BTNL2: variants seen among roughly 807,000 people sequenced by gnomAD.
The protein encoded by BTNL2 is butyrophilin like 2, also known as butyrophilin-like protein 2.
Under a neutral mutation model 46.8 loss-of-function variants are expected in BTNL2, and 46 were observed. That is an observed-to-expected ratio of 0.98 (90% CI 0.78 to 1.26). The LOEUF (loss-of-function observed/expected upper bound fraction) is 1.26, where lower values mean the gene tolerates loss of function less well. BTNL2 is among the 50% of genes most tolerant of loss of function. The probability of loss-of-function intolerance (pLI) is 0.00; values close to 1 mark genes in which losing one functional copy is unlikely to be tolerated. For missense variants in BTNL2, 461 were observed against 592.6 expected (o/e 0.78, Z 2.31); for synonymous variants, 226 against 229.1 (o/e 0.99, Z 0.12).
Position 32,405,284 on chromosome 6 carries a change from C to G in BTNL2, c.82G>C (p.Asp28His). The change falls in exon 2 of 8, where the codon GAC (aspartate) becomes CAC (histidine). Residue 28 changes from aspartate (D) to histidine (H), a missense_variant and splice_region_variant. Physicochemically the swap from Asp to His is moderately conservative, Grantham distance 81 (BLOSUM62 -1). Transcript: ENST00000454136. ...FILLTMKQSE[D>H]FRVIGPAHPI... ...TGAGCAGGGCCAATGACTCTAAAGT[C>G]TTCTATAAAATAAGTGAAAAAGAGG... is the stretch of plus-strand genomic sequence containing the variant. The G allele has an allele frequency of 6.2e-7, 1 of 1,612,806 alleles. No homozygotes were observed. The highest frequency in any genetic ancestry group is 8.5e-7 in the Non-Finnish European group (1 of 1,179,938).
At chr6:32,398,262 T>A (rs116895751) in intron 4 of BTNL2, among the ~76,000 whole-genome samples, 2,665 of 152,326 alleles carry the variant, frequency 0.017, 79 homozygotes, top group East Asian at 0.11. Context: ...ATAAAATTGT[T>A]GGTTCTCTGC....
intron 4 of BTNL2, among the ~76,000 whole-genome samples, chr6:32,397,755 G>C (rs117217900): frequency 0.012 from 1,795 of 152,194 alleles, 68 homozygotes; most frequent in South Asian, 0.1. Flanking sequence ...TGAAGGCGTT[G>C]GAGCCATCCC....
At chr6:32,402,500 T>TGGGGGG (rs57612352) in intron 3 of BTNL2, among the ~76,000 whole-genome samples, 5 of 152,076 alleles carry the variant, frequency 3.3e-5, no homozygotes, top group East Asian at 3.9e-4. Context: ...ACTGTTGTAT[T>TGGGGGG]GGGGGGTTGG....
chr6:32,402,809 G>A, intron 3 of BTNL2, 126 bp downstream of exon 3: 1 of 1,012,486 alleles, frequency 9.9e-7, no homozygotes, highest in Non-Finnish European at 1.4e-6. Flanking sequence ...AATGTTTTAT[G>A]GCTTTCAATA....
rs1776614201 is a variant in BTNL2, at chr6:32,399,176, G to A, written c.730+2609C>T. On this transcript the variant is annotated intron_variant, in intron 4 of 7. Transcript: ENST00000454136. This position sits in a 1 kb window ranked among gnomAD's most constrained non-coding sequence, Gnocchi z 5.2. ...TCCCCCTTATAAGTGTGAACATGCA[G>A]TAGTTAACCTCCTTTTTCTATACGG... 6.6e-6 allele frequency among the ~76,000 whole-genome samples: 1 copy of A among 152,216 alleles called. No homozygotes were observed. Among genetic ancestry groups the A allele is most frequent in the African/African-American group, 2.4e-5 (1 of 41,456 alleles).
chr6:32,404,873 C>G, intron 2 of BTNL2, 66 bp downstream of exon 2: 1 of 1,461,616 alleles, frequency 6.8e-7, no homozygotes, highest in African/African-American at 1.4e-5. Flanking sequence ...TCAACTGTCA[C>G]AAAGCTTACC....
chr6:32,400,745 T>TAAAAAAACAAAAA (rs1776703377), intron 4 of BTNL2, among the ~76,000 whole-genome samples: 3 of 82,146 alleles, frequency 3.7e-5, no homozygotes, highest in Admixed American at 1.3e-4. Context: ...CCGTCTCTAC[T>TAAAAAAACAAAAA]AAAAAAAAAA....
Position 32,394,046 on chromosome 6 carries a change from T to C in BTNL2, c.1372A>G (p.Thr458Ala). ...ACAAGCAGTGTTTTCCACAAAAACGTCATCCTGGACTCTAAAATGGAAACC... is the reference window on the plus strand; with the variant it reads ...ACAAGCAGTGTTTTCCACAAAAACGCCATCCTGGACTCTAAAATGGAAACC... ...ATFSLSESRM[T>A]FLWKTLLVWG... is the part of the protein sequence containing the mutation. The change falls in exon 7 of 8, where the codon ACG becomes GCG. Residue 458 changes from threonine (T) to alanine (A), a missense_variant. Coordinates refer to ENST00000454136, the MANE Select transcript of BTNL2 (RefSeq NM_001304561.2). The surrounding 1 kb of genome is among the most constrained non-coding windows in gnomAD (Gnocchi z 4.6). The C allele has an allele frequency of 2.6e-6, 4 of 1,550,110 alleles. No homozygotes were observed. Among genetic ancestry groups the C allele is most frequent in the Non-Finnish European group, 3.5e-6 (4 of 1,146,656 alleles).
At position 32,394,022 on chromosome 6, in the gene BTNL2, C is replaced by G. The variant is rs117896888; in HGVS notation, c.1396G>C (p.Val466Leu). Residue 466 changes from valine (V) to leucine (L), a missense_variant, in exon 7 of 8, where the codon GTT becomes CTT. Physicochemically the swap from Val to Leu is conservative, Grantham distance 32. Coordinates refer to ENST00000454136, the MANE Select transcript of BTNL2 (RefSeq NM_001304561.2). This position sits in a 1 kb window ranked among gnomAD's most constrained non-coding sequence, Gnocchi z 4.6. ...RMTFLWKTLL[V>L]WGLLLAVAVG... ...GCCACAGCAAGAAGCAATCCCCAAA[C>G]AAGCAGTGTTTTCCACAAAAACGTC... 0.015 allele frequency: 22,922 copies of G among 1,549,778 alleles called. 1,097 individuals are homozygous for G. The East Asian group carries it at 0.16, about 11-fold the overall frequency.
chr6:32,406,691 G>C (rs1307609076), intron 1 of BTNL2: 1 of 162,092 alleles, frequency 6.2e-6, no homozygotes, highest in Non-Finnish European at 1.3e-5. Flanking sequence ...TGACCCCAAA[G>C]TACTAGAGTG....
intron 5 of BTNL2, 130 bp from the exon 6 acceptor site, chr6:32,395,155 C>T: frequency 2.4e-6 from 2 of 817,876 alleles, no homozygotes; most frequent in East Asian, 2.7e-5. Flanking sequence ...GGATTGCACT[C>T]CACTTAGGGA....
chr6:32,393,973 C>T lies in BTNL2; in HGVS notation c.1445G>A (p.Ser482Asn), dbSNP rs1562244542. The change falls in exon 7 of 8, where the codon AGC (serine) becomes AAC (asparagine). Residue 482 changes from serine (S) to asparagine (N), a missense_variant. By Grantham distance (46) the Ser-to-Asn change is conservative. Coordinates refer to ENST00000454136, the MANE Select transcript of BTNL2 (RefSeq NM_001304561.2). This position sits in a 1 kb window ranked among gnomAD's most constrained non-coding sequence, Gnocchi z 4.8. ...AVAVGLPRKR[S>N] is the part of the protein sequence containing the mutation. ...GTTTCCCTGACTTACCTCTTTTCAG[C>T]TCCTCTTCCTGGGCAGGCCTACAGC... 6.5e-7 allele frequency: 1 copy of T among 1,542,506 alleles called. No individual in the cohort carries two copies. Among genetic ancestry groups the T allele is most frequent in the East Asian group, 2.5e-5 (1 of 40,812 alleles).
chr6:32,398,319 C>T (rs1014676425), intron 4 of BTNL2, among the ~76,000 whole-genome samples: 41 of 152,282 alleles, frequency 2.7e-4, no homozygotes, highest in African/African-American at 9.6e-4. Context: ...TGTCATTGGC[C>T]GAAAACTGCC....
In BTNL2 at chr6:32,399,827, T is replaced by C. The variant is rs2294881; in HGVS notation, c.730+1958A>G. Among the ~76,000 whole-genome samples the C allele has an allele frequency of 0.2, 29,785 of 152,160 alleles. 3,203 individuals are homozygous for C. Among genetic ancestry groups the C allele is most frequent in the East Asian group, 0.32 (1,675 of 5,180 alleles). On this transcript the variant is annotated intron_variant, in intron 4 of 7. Transcript: ENST00000454136. The surrounding 1 kb of genome is among the most constrained non-coding windows in gnomAD (Gnocchi z 5.2). ...ACATTATTTGTAAGACTACAAGCAG[T>C]GATTTCAGTCTTAGGACTTCCATAG... is the stretch of plus-strand genomic sequence containing the variant.
In BTNL2 at chr6:32,396,598, T is replaced by C; in HGVS notation, c.731-212A>G. On this transcript the variant is annotated intron_variant, in intron 4 of 7. Coordinates refer to ENST00000454136, the MANE Select transcript of BTNL2 (RefSeq NM_001304561.2). The surrounding 1 kb of genome is among the most constrained non-coding windows in gnomAD (Gnocchi z 4.4). The stretch of plus-strand genomic sequence containing the variant: ...GGAATCATTCCATGATGTGTGTCAG[T>C]CTGAGTAAAACAGTAATTGAATCCC... The C allele has an allele frequency of 1.7e-6, 1 of 584,990 alleles. No homozygotes were observed. The highest frequency in any genetic ancestry group is 2.0e-5 in the South Asian group (1 of 50,252). 36.2% of individuals were successfully genotyped at this position (584,990 alleles called of 1,614,324 possible). A position where few individuals can be genotyped will look rare whatever the true frequency, so the allele number is the denominator to read the frequency against.
intron 4 of BTNL2, among the ~76,000 whole-genome samples, chr6:32,398,623 G>T (rs548477520): frequency 6.6e-6 from 1 of 152,148 alleles, no homozygotes; most frequent in East Asian, 1.9e-4. Context: ...ATCCATATGA[G>T]GATTTTATTC....
chr6:32,405,073 A>G lies in BTNL2; in HGVS notation c.293T>C (p.Ile98Thr), dbSNP rs778675402. ...ATTTCCCTTTGCAATGCCATTCTCTATCCACTCTACCCAGCCTCTGTACTC... is the reference window on the plus strand; with the variant it reads ...ATTTCCCTTTGCAATGCCATTCTCTGTCCACTCTACCCAGCCTCTGTACTC... ...MEEYRGWVEW[I>T]ENGIAKGNVA... The change falls in exon 2 of 8, where the codon ATA becomes ACA. Residue 98 changes from isoleucine (I) to threonine (T), a missense_variant. Physicochemically the swap from Ile to Thr is moderately conservative, Grantham distance 89 (BLOSUM62 -1). Transcript: ENST00000454136. 1.1e-5 allele frequency: 17 copies of G among 1,612,888 alleles called. No individual in the cohort carries two copies. Among genetic ancestry groups the G allele is most frequent in the Non-Finnish European group, 1.4e-5 (16 of 1,180,038 alleles).
chr6:32,395,683 A>G (rs1330827283), intron 5 of BTNL2, among the ~76,000 whole-genome samples: 1 of 152,214 alleles, frequency 6.6e-6, no homozygotes. Flanking sequence ...TAGTCTTCAG[A>G]TGATTACAGT....
rs574073114 is a variant in BTNL2 at position 32,394,458 on chromosome 6, G to T, written c.1360+286C>A. Reference sequence around the variant, plus strand: ...TAATTTAATTGTTTTCACATCAGAAGAAGAGAATTTAAAGAGAGAGAGTGA... The same window carrying T: ...TAATTTAATTGTTTTCACATCAGAATAAGAGAATTTAAAGAGAGAGAGTGA... On this transcript the variant is annotated intron_variant, in intron 6 of 7. Coordinates refer to ENST00000454136, the MANE Select transcript of BTNL2 (RefSeq NM_001304561.2). This position sits in a 1 kb window ranked among gnomAD's most constrained non-coding sequence, Gnocchi z 4.6. Among the ~76,000 whole-genome samples, 2 of 148,910 alleles carry T rather than the reference G, an allele frequency of 1.3e-5. No individual in the cohort carries two copies. Among genetic ancestry groups the T allele is most frequent in the African/African-American group, 4.9e-5 (2 of 40,676 alleles).
Sources: allele counts gnomAD v4.1 joint callset (sites outside exome capture counted in the v4.1 genomes callset), GRCh38; gene constraint gnomAD v4.1.1; non-coding constraint Gnocchi (gnomAD v3.1); transcripts MANE v1.5; gene names NCBI Gene and HGNC (gene_info 2026-07-23, HGNC 2026-07-21).